Variants in DSCAM observed in about 807,000 individuals in gnomAD.
The protein encoded by DSCAM is DS cell adhesion molecule.
DSCAM carries 47 observed loss-of-function variants against 217.7 expected under a neutral mutation model. The ratio of observed to expected loss-of-function variants is 0.22; its 90% CI spans 0.17 to 0.28. The LOEUF is 0.28. Among genes scored for constraint, DSCAM ranks in the 10% least tolerant of loss-of-function variants. DSCAM has a pLI of 1.00. For synonymous variants in DSCAM, 1,056 were observed against 1,015.3 expected (o/e 1.04, Z -0.76); for missense variants, 2,080 against 2,618.3 (o/e 0.79, Z 4.49).
intron 1 of DSCAM, among the ~76,000 whole-genome samples, chr21:40,721,994 A>C (rs1446941967): frequency 1.3e-5 from 2 of 152,142 alleles, no homozygotes; most frequent in African/African-American, 2.4e-5. Flanking sequence ...AAACAACGCA[A>C]AACAGAAGAC....
rs1569057394 is a variant in DSCAM at position 40,312,472 on chromosome 21, G to C, written c.1784-113C>G. On this transcript the variant is annotated intron_variant, in intron 8 of 32. Coordinates refer to ENST00000400454, the MANE Select transcript of DSCAM (RefSeq NM_001389.5). The stretch of plus-strand genomic sequence containing the variant: ...TACAGACGATCATAGATACAGCATA[G>C]AAATACAGGAACTGTAGCAAATTTG... The C allele has an allele frequency of 3.4e-6, 4 of 1,193,110 alleles. No individual in the cohort carries two copies. The East Asian group carries it at 1.0e-4, about 31-fold the overall frequency. The allele number at this position is 1,193,110 out of a possible 1,614,324, so 73.9% of individuals were successfully genotyped here. A position where few individuals can be genotyped will look rare whatever the true frequency, so the allele number is the denominator to read the frequency against.
intron 1 of DSCAM, among the ~76,000 whole-genome samples, chr21:40,782,103 G>A (rs1435506993): frequency 1.3e-5 from 2 of 151,482 alleles, no homozygotes; most frequent in Non-Finnish European, 2.9e-5. Flanking sequence ...CCCGGGAGGC[G>A]GAGCTTGCAG....
chr21:40,405,466 C>T (rs942512866), intron 3 of DSCAM, among the ~76,000 whole-genome samples: 1 of 151,856 alleles, frequency 6.6e-6, no homozygotes, highest in South Asian at 2.1e-4. Context: ...TGTATTTGAC[C>T]CGAAAAGCAC....
At position 40,429,806 on chromosome 21, in the gene DSCAM, C is replaced by T. The variant is rs187114639; in HGVS notation, c.509-60561G>A. 9.8e-4 allele frequency among the ~76,000 whole-genome samples: 149 copies of T among 152,326 alleles called. 1 individual carries two copies. The highest frequency in any genetic ancestry group is 2.8e-3 in the Admixed American group (43 of 15,298). The stretch of plus-strand genomic sequence containing the variant: ...ACTCCAGAATATGTTACTTATTTTA[C>T]TTATTTGATAAACACTTTCTGGATT... On this transcript the variant is annotated intron_variant, in intron 3 of 32. Transcript: ENST00000400454.
chr21:40,446,045 G>A lies in DSCAM; in HGVS notation c.509-76800C>T, dbSNP rs758764806. ...GTTTCAGTAAAATGCTCTTGGTTTT[G>A]GAAACAAAGGTTTAAGAGGATACGT... On this transcript the variant is annotated intron_variant, in intron 3 of 32. Transcript: ENST00000400454. Among the ~76,000 whole-genome samples, 11 of 152,228 alleles carry A rather than the reference G, an allele frequency of 7.2e-5. No homozygotes were observed. The East Asian group carries it at 1.9e-3, about 27-fold the overall frequency.
At chr21:40,686,202 G>A (rs1009556523) in intron 3 of DSCAM, among the ~76,000 whole-genome samples, 30 of 48,212 alleles carry the variant, frequency 6.2e-4, no homozygotes, top group African/African-American at 7.8e-4. Flanking sequence ...CACATAGCAC[G>A]TACTCCACAC....
chr21:40,758,465 C>T (rs759741725), intron 1 of DSCAM, among the ~76,000 whole-genome samples: 3 of 133,972 alleles, frequency 2.2e-5, no homozygotes, highest in African/African-American at 8.4e-5. Context: ...TGCAGTGAGC[C>T]GAGGTGGTGC....
intron 4 of DSCAM, among the ~76,000 whole-genome samples, chr21:40,358,436 TGACCTTGA>T (rs2074719542): frequency 1.3e-5 from 2 of 149,490 alleles, no homozygotes; most frequent in African/African-American, 5.0e-5. Context: ...AATATCTTCA[TGACCTTGA>T]AGAGTTCTTA....
intron 1 of DSCAM, among the ~76,000 whole-genome samples, chr21:40,789,095 CT>C (rs2123457268): frequency 6.6e-6 from 1 of 152,172 alleles, no homozygotes; most frequent in South Asian, 2.1e-4. Context: ...GCTACAAACG[CT>C]TCATCTTATC....
intron 3 of DSCAM, among the ~76,000 whole-genome samples, chr21:40,617,388 T>G (rs1036294210): frequency 3.3e-5 from 5 of 152,066 alleles, no homozygotes; most frequent in African/African-American, 4.8e-5. Flanking sequence ...CCTCCCGAAG[T>G]GCTGGGATTA....
chr21:40,156,544 G>T (rs1367296611), intron 16 of DSCAM, among the ~76,000 whole-genome samples: 1 of 152,158 alleles, frequency 6.6e-6, no homozygotes. Context: ...CAATGAACCA[G>T]AAGCCATTTT....
At chr21:40,397,774 TACC>T (rs1281845246) in intron 3 of DSCAM, among the ~76,000 whole-genome samples, 2 of 151,968 alleles carry the variant, frequency 1.3e-5, no homozygotes, top group Admixed American at 6.6e-5. Flanking sequence ...TCACTAATAC[TACC>T]ACCACTACTA....
At chr21:40,393,646 A>G (rs950557510) in intron 3 of DSCAM, among the ~76,000 whole-genome samples, 3 of 152,210 alleles carry the variant, frequency 2.0e-5, no homozygotes, top group African/African-American at 7.2e-5. Flanking sequence ...ACAGCTGAAC[A>G]CCAGAGCTGA....
chr21:40,377,496 C>G (rs1333460989), intron 3 of DSCAM, among the ~76,000 whole-genome samples: 2 of 151,916 alleles, frequency 1.3e-5, no homozygotes, highest in Non-Finnish European at 2.9e-5. Flanking sequence ...TTCTGAGGGA[C>G]CTATGGGGTT....
chr21:40,676,223 C>T (rs538823218), intron 3 of DSCAM, among the ~76,000 whole-genome samples: 1 of 152,174 alleles, frequency 6.6e-6, no homozygotes, highest in Admixed American at 6.5e-5. Context: ...AAGAGAGAAA[C>T]ATTCATCTTA....
chr21:40,679,739 A>C (rs2090379680), intron 3 of DSCAM, among the ~76,000 whole-genome samples: 1 of 152,226 alleles, frequency 6.6e-6, no homozygotes, highest in Non-Finnish European at 1.5e-5. Flanking sequence ...TAAACGTTTT[A>C]ATAAATAAGT....
At chr21:40,051,867 A>G in intron 30 of DSCAM, 91 bp downstream of exon 30, 1 of 1,497,294 alleles carries the variant, frequency 6.7e-7, no homozygotes, top group Non-Finnish European at 9.0e-7. Flanking sequence ...AGGTATGAAA[A>G]GCCACACATT....
intron 3 of DSCAM, among the ~76,000 whole-genome samples, chr21:40,620,476 A>G: frequency 7.1e-6 from 1 of 140,074 alleles, no homozygotes; most frequent in African/African-American, 2.7e-5. Flanking sequence ...GGAAGGAAAA[A>G]GGGAAGGGAA....
At chr21:40,164,112 G>A (rs75114850) in intron 16 of DSCAM, among the ~76,000 whole-genome samples, 1,832 of 152,236 alleles carry the variant, frequency 0.012, 39 homozygotes, top group African/African-American at 0.042. Flanking sequence ...TGGAGGGGAT[G>A]CACATGAAAC....
Sources: gnomAD v4.1 joint callset for allele counts (sites outside exome capture counted in the v4.1 genomes callset) on GRCh38, gnomAD v4.1.1 for gene constraint, MANE v1.5 for transcripts, NCBI Gene and HGNC (gene_info 2026-07-23, HGNC 2026-07-21) for gene names.